Variants in PROKR1 observed in about 807,000 individuals in gnomAD.
The protein encoded by PROKR1 is prokineticin receptor 1.
A neutral mutation model predicts 22.8 loss-of-function variants in PROKR1; 21 were observed. The observed-to-expected ratio is 0.92, with a 90% CI of 0.65 to 1.32. The LOEUF is 1.32. PROKR1 is among the 40% of genes most tolerant of loss of function. The pLI is 0.00. For missense variants in PROKR1, 548 were observed against 514.2 expected (o/e 1.07, Z -0.64); for synonymous variants, 193 against 207.5 (o/e 0.93, Z 0.60).
intron 1 of PROKR1, among the ~76,000 whole-genome samples, chr2:68,645,260 T>C (rs530280694): frequency 5.6e-4 from 86 of 152,316 alleles, no homozygotes; most frequent in Admixed American, 5.2e-3. Flanking sequence ...GGCTGCTCTA[T>C]GGCTCTGTGA....
intron 2 of PROKR1, among the ~76,000 whole-genome samples, chr2:68,650,345 G>T (rs1181771325): frequency 6.6e-6 from 1 of 152,076 alleles, no homozygotes; most frequent in African/African-American, 2.4e-5. Flanking sequence ...TTTATGTCCT[G>T]TTTTCCCAAA....
At chr2:68,654,656 C>T (rs970524909) in intron 2 of PROKR1, among the ~76,000 whole-genome samples, 20 of 151,998 alleles carry the variant, frequency 1.3e-4, no homozygotes, top group Admixed American at 8.5e-4. Flanking sequence ...AAAATTAGCG[C>T]GTGTGGTGCA....
chr2:68,645,734 G>A lies in PROKR1; in HGVS notation c.-88G>A, dbSNP rs1020275308. Reference sequence around the variant, plus strand: ...CATTCTGACTCATTAAGGGAGAGCTGGCTGATAGCAGAGAGGGGTGACATC... The same window carrying A: ...CATTCTGACTCATTAAGGGAGAGCTAGCTGATAGCAGAGAGGGGTGACATC... On this transcript the variant is annotated 5_prime_UTR_variant, in exon 2 of 3. Coordinates refer to ENST00000303786, the MANE Select transcript of PROKR1 (RefSeq NM_138964.4). 1.4e-5 allele frequency: 22 copies of A among 1,582,682 alleles called. No homozygotes were observed. The African/African-American group carries it at 3.0e-4, about 21-fold the overall frequency.
At chr2:68,644,680 C>T (rs914489152) in intron 1 of PROKR1, among the ~76,000 whole-genome samples, 10 of 152,160 alleles carry the variant, frequency 6.6e-5, no homozygotes, top group African/African-American at 2.4e-4. Context: ...GTTCTCCTGA[C>T]ATTTGTTTTA....
At chr2:68,653,542 C>CA (rs1673379295) in intron 2 of PROKR1, among the ~76,000 whole-genome samples, 3 of 152,308 alleles carry the variant, frequency 2.0e-5, no homozygotes, top group Non-Finnish European at 4.4e-5. Flanking sequence ...AGGCCCCCTT[C>CA]ACGTTTGCTC....
rs1384928154 is a variant in PROKR1 at position 68,645,835 on chromosome 2, T to A, written c.14T>A (p.Met5Lys). Residue 5 changes from methionine to lysine, a missense_variant, in exon 2 of 3, where the codon ATG (methionine) becomes AAG (lysine). By Grantham distance (95) the Met-to-Lys change is moderately conservative (BLOSUM62 -1). Transcript: ENST00000303786. Reference protein sequence around the residue: METTMGFMDDNATNT... With the variant: METTKGFMDDNATNT... ...CCACCTGGCCAGATGGAGACCACCA[T>A]GGGGTTCATGGATGACAATGCCACC... 4 of 1,614,068 alleles carry A rather than the reference T, an allele frequency of 2.5e-6. No individual in the cohort carries two copies. The highest frequency in any genetic ancestry group is 1.3e-5 in the African/African-American group (1 of 74,926).
rs1015117363 is a variant in PROKR1 at position 68,657,574 on chromosome 2, A to G, written c.*1998A>G. ...CTTCCCATGACTGTTCCCAGCCAGC[A>G]TGAATCTGGGCAATGGAATAGTTGT... On this transcript the variant is annotated 3_prime_UTR_variant, in exon 3 of 3. Coordinates refer to ENST00000303786, the MANE Select transcript of PROKR1 (RefSeq NM_138964.4). 4 of 152,230 alleles carry G rather than the reference A, an allele frequency of 2.6e-5. No individual in the cohort carries two copies. Among genetic ancestry groups the G allele is most frequent in the African/African-American group, 7.2e-5 (3 of 41,456 alleles). The allele number at this position is 152,230 out of a possible 1,614,324, so 9.4% of individuals were successfully genotyped here.
intron 2 of PROKR1, among the ~76,000 whole-genome samples, chr2:68,650,172 T>A (rs985103469): frequency 2.0e-5 from 3 of 151,736 alleles, no homozygotes; most frequent in African/African-American, 7.3e-5. Context: ...CATATGTAAC[T>A]AACCTGCACA....
chr2:68,646,788 C>T (rs902185678), intron 2 of PROKR1, among the ~76,000 whole-genome samples: 2 of 152,114 alleles, frequency 1.3e-5, no homozygotes, highest in South Asian at 2.1e-4. Flanking sequence ...CAGTTCAAGC[C>T]TATAATCCCA....
Position 68,646,110 on chromosome 2 carries a change from A to C in PROKR1, c.289A>C (p.Thr97Pro). ...CCGCTACAAGAAACTGCGCAACCTCACCAACCTGCTCATCGCCAACCTGGC... is the reference window on the plus strand; with the variant it reads ...CCGCTACAAGAAACTGCGCAACCTCCCCAACCTGCTCATCGCCAACCTGGC... ...LVRYKKLRNL[T>P]NLLIANLAIS... is the part of the protein sequence containing the mutation. Residue 97 changes from threonine to proline, a missense_variant, in exon 2 of 3, where the codon ACC becomes CCC. Physicochemically the swap from Thr to Pro is conservative, Grantham distance 38. Coordinates refer to ENST00000303786, the MANE Select transcript of PROKR1 (RefSeq NM_138964.4). 3 of 1,613,044 alleles carry C rather than the reference A, an allele frequency of 1.9e-6. No homozygotes were observed. Among genetic ancestry groups the C allele is most frequent in the Non-Finnish European group, 2.5e-6 (3 of 1,179,172 alleles).
At position 68,655,781 on chromosome 2, in the gene PROKR1, C is replaced by G. The variant is rs1160123800; in HGVS notation, c.*205C>G. On this transcript the variant is annotated 3_prime_UTR_variant, in exon 3 of 3. Coordinates refer to ENST00000303786, the MANE Select transcript of PROKR1 (RefSeq NM_138964.4). Reference sequence around the variant, plus strand: ...ATCAACAGTGGCATTTGCTGAATGTCTAATTTACACGCCAGTAGGTACTGG... The same window carrying G: ...ATCAACAGTGGCATTTGCTGAATGTGTAATTTACACGCCAGTAGGTACTGG... 2 of 610,380 alleles carry G rather than the reference C, an allele frequency of 3.3e-6. No individual in the cohort carries two copies. The highest frequency in any genetic ancestry group is 5.6e-5 in the East Asian group (2 of 35,752). 37.8% of individuals were successfully genotyped at this position (610,380 alleles called of 1,614,324 possible).
chr2:68,652,197 T>C (rs937149145), intron 2 of PROKR1, among the ~76,000 whole-genome samples: 1 of 152,210 alleles, frequency 6.6e-6, no homozygotes, highest in African/African-American at 2.4e-5. Context: ...AGCCTCAGTT[T>C]TCTCATCTAT....
intron 2 of PROKR1, among the ~76,000 whole-genome samples, chr2:68,649,072 C>T (rs1380224017): frequency 6.6e-6 from 1 of 152,112 alleles, no homozygotes; most frequent in Non-Finnish European, 1.5e-5. Flanking sequence ...AGCAGGTAAA[C>T]TAATGAACAT....
In PROKR1 at chr2:68,655,612, G is replaced by T; in HGVS notation, c.*36G>T. ...TTTGCAAAGTTTAAACACAAAGCAGGGTCCTGTGGACACTGACTAGTGTGC... is the reference window on the plus strand; with the variant it reads ...TTTGCAAAGTTTAAACACAAAGCAGTGTCCTGTGGACACTGACTAGTGTGC... On this transcript the variant is annotated 3_prime_UTR_variant, in exon 3 of 3. Transcript: ENST00000303786. 1 of 1,585,474 alleles carries T rather than the reference G, an allele frequency of 6.3e-7. No individual in the cohort carries two copies. The highest frequency in any genetic ancestry group is 8.6e-7 in the Non-Finnish European group (1 of 1,158,532).
At chr2:68,654,263 C>T (rs754967736) in intron 2 of PROKR1, among the ~76,000 whole-genome samples, 1 of 152,180 alleles carries the variant, frequency 6.6e-6, no homozygotes, top group Non-Finnish European at 1.5e-5. Context: ...AGGCTAGAAA[C>T]CGATGGGAGG....
At position 68,655,296 on chromosome 2, in the gene PROKR1, A is replaced by T; in HGVS notation, c.902A>T (p.Tyr301Phe). The stretch of plus-strand genomic sequence containing the variant: ...TACGTGCTATGCTGGGCGCCCTTCT[A>T]CGGCTTCACCATCGTGCGCGACTTC... ...TAYVLCWAPF[Y>F]GFTIVRDFFP... The change falls in exon 3 of 3, where the codon TAC becomes TTC. Residue 301 changes from tyrosine to phenylalanine, a missense_variant. Tyr to Phe is a conservative substitution (Grantham distance 22). Coordinates refer to ENST00000303786, the MANE Select transcript of PROKR1 (RefSeq NM_138964.4). The T allele has an allele frequency of 6.2e-7, 1 of 1,614,236 alleles. No individual in the cohort carries two copies. The highest frequency in any genetic ancestry group is 8.5e-7 in the Non-Finnish European group (1 of 1,180,052).
chr2:68,649,591 C>T (rs1229601298), intron 2 of PROKR1: 1 of 152,216 alleles, frequency 6.6e-6, no homozygotes, highest in Non-Finnish European at 1.5e-5. Flanking sequence ...GAGATCCAGT[C>T]AGGCAAACAC....
At position 68,655,156 on chromosome 2, in the gene PROKR1, G is replaced by C; in HGVS notation, c.762G>C (p.Arg254Ser). 1.2e-6 allele frequency: 2 copies of C among 1,614,222 alleles called. No homozygotes were observed. Among genetic ancestry groups the C allele is most frequent in the South Asian group, 2.2e-5 (2 of 91,088 alleles). The change falls in exon 3 of 3, where the codon AGG (arginine) becomes AGC (serine). Residue 254 changes from arginine (R) to serine (S), a missense_variant. Physicochemically the swap from Arg to Ser is moderately radical, Grantham distance 110 (BLOSUM62 -1). Transcript: ENST00000303786. Reference protein sequence around the residue: ...PVVTMTLCYARISRELWFKAV... With the variant: ...PVVTMTLCYASISRELWFKAV... Reference sequence around the variant, plus strand: ...TCACCATGACCCTGTGCTATGCCAGGATCTCCCGGGAGCTCTGGTTCAAGG... The same window carrying C: ...TCACCATGACCCTGTGCTATGCCAGCATCTCCCGGGAGCTCTGGTTCAAGG...
chr2:68,645,556 T>G (rs563638609), intron 1 of PROKR1, 106 bp from the exon 2 acceptor site: 2 of 558,684 alleles, frequency 3.6e-6, no homozygotes, highest in South Asian at 4.2e-5. Context: ...TCACCCTATG[T>G]TCACTCTGGG....
Sources: allele counts gnomAD v4.1 joint callset (sites outside exome capture counted in the v4.1 genomes callset), GRCh38; gene constraint gnomAD v4.1.1; transcripts MANE v1.5; gene names NCBI Gene and HGNC (gene_info 2026-07-23, HGNC 2026-07-21).